Variants in BRMS1 observed in about 807,000 individuals in gnomAD.
BRMS1 encodes breast cancer metastasis-suppressor 1.
BRMS1 carries 26 observed loss-of-function variants against 40.4 expected under a neutral mutation model. That is an observed-to-expected ratio of 0.64 (90% CI 0.47 to 0.89). BRMS1 has a LOEUF of 0.89. Ranked by LOEUF, BRMS1 falls within the 40% of genes least tolerant of loss-of-function variation. The pLI is 0.00. For missense variants in BRMS1, 289 were observed against 309.4 expected (o/e 0.93, Z 0.49); for synonymous variants, 103 against 116.0 (o/e 0.89, Z 0.72).
chr11:66,343,839 A>G (rs1240700497), intron 1 of BRMS1, among the ~76,000 whole-genome samples: 1 of 129,562 alleles, frequency 7.7e-6, no homozygotes, highest in Non-Finnish European at 1.6e-5. Flanking sequence ...ACAAAGGAGG[A>G]GGCAAAACCC....
At position 66,341,191 on chromosome 11, in the gene BRMS1, G is replaced by C. The variant is rs764627544; in HGVS notation, c.358+15C>G. On this transcript the variant is annotated intron_variant, in intron 4 of 9. Coordinates refer to ENST00000359957, the MANE Select transcript of BRMS1 (RefSeq NM_015399.4). The surrounding 1 kb of genome is among the most constrained non-coding windows in gnomAD (Gnocchi z 4.9). Reference sequence around the variant, plus strand: ...GGTTCTGGGAGGGGAAGAGGGTACAGAACCACCCACAGACCTGCCACCTGA... The same window carrying C: ...GGTTCTGGGAGGGGAAGAGGGTACACAACCACCCACAGACCTGCCACCTGA... 1 of 1,612,072 alleles carries C rather than the reference G, an allele frequency of 6.2e-7. No individual in the cohort carries two copies. The highest frequency in any genetic ancestry group is 1.1e-5 in the South Asian group (1 of 91,064).
chr11:66,341,822 G>A lies in BRMS1; in HGVS notation c.140-199C>T. On this transcript the variant is annotated intron_variant, in intron 2 of 9. Transcript: ENST00000359957. This position sits in a 1 kb window ranked among gnomAD's most constrained non-coding sequence, Gnocchi z 4.9. ...GTAGGGGCTGTGTGTGCATATGCGT[G>A]CGTGCTTGTGTGAAGGGGCTGTGTG... 3.0e-6 allele frequency: 2 copies of A among 671,980 alleles called. No homozygotes were observed. The highest frequency in any genetic ancestry group is 5.3e-6 in the Non-Finnish European group (2 of 375,724). The allele number at this position is 671,980 out of a possible 1,614,324, so 41.6% of individuals were successfully genotyped here. A position where few individuals can be genotyped will look rare whatever the true frequency, so the allele number is the denominator to read the frequency against.
intron 8 of BRMS1, 87 bp from the exon 9 acceptor site, chr11:66,338,369 G>A: frequency 1.9e-6 from 3 of 1,548,898 alleles, no homozygotes; most frequent in Non-Finnish European, 2.6e-6. Context: ...TGGCTTGTGG[G>A]CTGTTGCCTC....
rs1855058771 is a variant in BRMS1 at position 66,341,138 on chromosome 11, CGA to C, written c.358+66_358+67del. 1 of 1,611,966 alleles carries C rather than the reference CGA, an allele frequency of 6.2e-7. No individual in the cohort carries two copies. Among genetic ancestry groups the C allele is most frequent in the Non-Finnish European group, 8.5e-7 (1 of 1,178,924 alleles). ...AGCAAAGGGCAAGGCCGGGCAGGAA[CGA>C]GAGAGGAAGGGGACAGGGTGCCACG... On this transcript the variant is annotated intron_variant, in intron 4 of 9. Coordinates refer to ENST00000359957, the MANE Select transcript of BRMS1 (RefSeq NM_015399.4). This position sits in a 1 kb window ranked among gnomAD's most constrained non-coding sequence, Gnocchi z 4.9.
chr11:66,343,543 C>T (rs1032328889), intron 1 of BRMS1, among the ~76,000 whole-genome samples: 6 of 152,048 alleles, frequency 3.9e-5, no homozygotes, highest in Non-Finnish European at 5.9e-5. Context: ...GACCTGGAGC[C>T]CGATGCAGCA....
chr11:66,337,369 G>C lies in BRMS1; in HGVS notation c.*513C>G. ...GGAAAGGTTTTAATTCCAGTCCTTGGAATCTGAGAAGCAGACACCAAGAAC... is the reference window on the plus strand; with the variant it reads ...GGAAAGGTTTTAATTCCAGTCCTTGCAATCTGAGAAGCAGACACCAAGAAC... On this transcript the variant is annotated 3_prime_UTR_variant, in exon 10 of 10. Coordinates refer to ENST00000359957, the MANE Select transcript of BRMS1 (RefSeq NM_015399.4). The C allele has an allele frequency of 7.9e-6, 3 of 377,976 alleles. No individual in the cohort carries two copies. The highest frequency in any genetic ancestry group is 1.5e-5 in the Non-Finnish European group (3 of 206,174). 23.4% of individuals were successfully genotyped at this position (377,976 alleles called of 1,614,324 possible). A position where few individuals can be genotyped will look rare whatever the true frequency, so the allele number is the denominator to read the frequency against.
chr11:66,338,263 G>C lies in BRMS1; in HGVS notation c.713C>G (p.Pro238Arg), dbSNP rs1008119943. ...CTTACCATCCGATTTTCTCTTCTGA[G>C]GGGACACAGCTGCCCTAGCCTGGGT... is the stretch of plus-strand genomic sequence containing the variant. ...AIKKARAAVS[P>R]QKRKSDGP The change falls in exon 9 of 10, where the codon CCT becomes CGT. Residue 238 changes from proline (P) to arginine (R), a missense_variant. Pro to Arg is a moderately radical substitution (Grantham distance 103, BLOSUM62 -2). Coordinates refer to ENST00000359957, the MANE Select transcript of BRMS1 (RefSeq NM_015399.4). 1.9e-6 allele frequency: 3 copies of C among 1,611,250 alleles called. No homozygotes were observed. The highest frequency in any genetic ancestry group is 1.7e-5 in the Admixed American group (1 of 59,698).
intron 1 of BRMS1, 42 bp from the exon 2 acceptor site, chr11:66,342,283 C>G: frequency 6.2e-7 from 1 of 1,602,624 alleles, no homozygotes; most frequent in South Asian, 1.1e-5. Context: ...CTGCCCACAG[C>G]TCAGAGGGGG....
intron 7 of BRMS1, 126 bp from the exon 8 acceptor site, chr11:66,338,911 G>T: frequency 1.0e-6 from 1 of 977,094 alleles, no homozygotes; most frequent in Non-Finnish European, 1.5e-6. Context: ...TGGGTCCGAG[G>T]TCAGGTTCCA....
At chr11:66,340,900 C>T (rs1364269024) in intron 5 of BRMS1, 30 bp from the exon 6 acceptor site, 7 of 1,613,650 alleles carry the variant, frequency 4.3e-6, no homozygotes, top group Middle Eastern at 1.6e-4. Flanking sequence ...CTCAGCAGGA[C>T]GGATGGGGTG....
intron 6 of BRMS1, among the ~76,000 whole-genome samples, 182 bp downstream of exon 6, chr11:66,340,592 C>G (rs951595921): frequency 5.3e-5 from 8 of 152,240 alleles, no homozygotes; most frequent in African/African-American, 1.7e-4. Flanking sequence ...GAGACCCACT[C>G]TGCTTGAGCC....
rs1590928933 is a variant in BRMS1, at chr11:66,341,161, C to T, written c.358+45G>A. On this transcript the variant is annotated intron_variant, in intron 4 of 9. Transcript: ENST00000359957. The surrounding 1 kb of genome is among the most constrained non-coding windows in gnomAD (Gnocchi z 4.9). ...AACGAGAGAGGAAGGGGACAGGGTG[C>T]CACGGGTTCTGGGAGGGGAAGAGGG... is the stretch of plus-strand genomic sequence containing the variant. 1 of 1,611,210 alleles carries T rather than the reference C, an allele frequency of 6.2e-7. No individual in the cohort carries two copies. The highest frequency in any genetic ancestry group is 8.5e-7 in the Non-Finnish European group (1 of 1,178,050).
chr11:66,339,061 G>A (rs1348177210), intron 7 of BRMS1, among the ~76,000 whole-genome samples: 1 of 152,148 alleles, frequency 6.6e-6, no homozygotes, highest in Non-Finnish European at 1.5e-5. Context: ...ATCTCACTCT[G>A]CAGCACTGGC....
In BRMS1 at chr11:66,337,569, G is replaced by A. The variant is rs778804346; in HGVS notation, c.*313C>T. On this transcript the variant is annotated 3_prime_UTR_variant, in exon 10 of 10. Transcript: ENST00000359957. ...AGCAAGAGGATGTGGCTTTGACTTC[G>A]GCTGTCTTCTCTGTCAGGGGAGCCC... 22 of 1,001,910 alleles carry A rather than the reference G, an allele frequency of 2.2e-5. No individual in the cohort carries two copies. In the East Asian group the frequency reaches 2.4e-4, roughly 11 times the overall value. The allele number at this position is 1,001,910 out of a possible 1,614,324, so 62.1% of individuals were successfully genotyped here.
At chr11:66,337,977 C>A in intron 9 of BRMS1, 88 bp from the exon 10 acceptor site, 1 of 1,455,926 alleles carries the variant, frequency 6.9e-7, no homozygotes. Context: ...TTTGGGCTGG[C>A]CCAGAACAGG....
intron 1 of BRMS1, among the ~76,000 whole-genome samples, chr11:66,343,435 GT>G (rs766139285): frequency 9.8e-5 from 15 of 152,310 alleles, no homozygotes; most frequent in Non-Finnish European, 2.1e-4. Context: ...ACCTCACGGA[GT>G]TTACAAGTTC....
rs920967705 is a variant in BRMS1, at chr11:66,341,747, C to T, written c.140-124G>A. On this transcript the variant is annotated intron_variant, in intron 2 of 9. Transcript: ENST00000359957. This position sits in a 1 kb window ranked among gnomAD's most constrained non-coding sequence, Gnocchi z 4.9. ...TGTGTGTAGGGCCTGTGTGTGTGTGCGCGTACATGCTTGTGTGAAGGGGCT... is the reference window on the plus strand; with the variant it reads ...TGTGTGTAGGGCCTGTGTGTGTGTGTGCGTACATGCTTGTGTGAAGGGGCT... 4.5e-5 allele frequency: 37 copies of T among 820,392 alleles called. No homozygotes were observed. The highest frequency in any genetic ancestry group is 7.6e-5 in the East Asian group (3 of 39,716). The allele number at this position is 820,392 out of a possible 1,614,324, so 50.8% of individuals were successfully genotyped here. A position where few individuals can be genotyped will look rare whatever the true frequency, so the allele number is the denominator to read the frequency against.
chr11:66,338,433 T>C (rs1854986297), intron 8 of BRMS1, 151 bp from the exon 9 acceptor site: 1 of 1,511,332 alleles, frequency 6.6e-7, no homozygotes, highest in South Asian at 1.3e-5. Flanking sequence ...AGAGCTCCCA[T>C]GCTCCTGACT....
At position 66,338,486 on chromosome 11, in the gene BRMS1, C is replaced by T. The variant is rs144116627; in HGVS notation, c.694-204G>A. The T allele has an allele frequency of 4.9e-4, 740 of 1,525,472 alleles. 6 individuals are homozygous for T. The African/African-American group carries it at 8.2e-3, about 17-fold the overall frequency. The allele number at this position is 1,525,472 out of a possible 1,614,324, so 94.5% of individuals were successfully genotyped here. A position where few individuals can be genotyped will look rare whatever the true frequency, so the allele number is the denominator to read the frequency against. ...CTCTCCCGCCTCCCCGCCACCCTCC[C>T]ACCCCATCAAAACCTGCCCCAGAAC... is the stretch of plus-strand genomic sequence containing the variant. On this transcript the variant is annotated intron_variant, in intron 8 of 9. Coordinates refer to ENST00000359957, the MANE Select transcript of BRMS1 (RefSeq NM_015399.4).
Sources: gnomAD v4.1 joint callset for allele counts (sites outside exome capture counted in the v4.1 genomes callset) on GRCh38, gnomAD v4.1.1 for gene constraint, Gnocchi (gnomAD v3.1) non-coding constraint, MANE v1.5 for transcripts, NCBI Gene and HGNC (gene_info 2026-07-23, HGNC 2026-07-21) for gene names.